The following IPO11 variants were observed in gnomAD, a reference collection of about 807,000 sequenced individuals.
IPO11 encodes the protein importin-11.
IPO11 carries 66 observed loss-of-function variants against 143.2 expected under a neutral mutation model. The ratio of observed to expected loss-of-function variants is 0.46; its 90% CI spans 0.38 to 0.57. IPO11 has a LOEUF of 0.57. Ranked by LOEUF, IPO11 falls within the 20% of genes least tolerant of loss-of-function variation. The probability of loss-of-function intolerance (pLI) is 0.00; values close to 1 mark genes in which losing one functional copy is unlikely to be tolerated. For synonymous variants in IPO11, 385 were observed against 377.8 expected (o/e 1.02, Z -0.22); for missense variants, 1,026 against 1,141.0 (o/e 0.90, Z 1.45).
chr5:62,602,598 G>A (rs986341349), intron 29 of IPO11, among the ~76,000 whole-genome samples: 1 of 152,130 alleles, frequency 6.6e-6, no homozygotes, highest in Non-Finnish European at 1.5e-5. Context: ...TAATTACTCT[G>A]TAAGAGTTAG....
At chr5:62,462,062 C>T (rs891556231) in intron 5 of IPO11, among the ~76,000 whole-genome samples, 3 of 152,040 alleles carry the variant, frequency 2.0e-5, no homozygotes, top group African/African-American at 4.8e-5. Context: ...ATTAATAGAT[C>T]GAGATCTAAC....
intron 1 of IPO11, among the ~76,000 whole-genome samples, chr5:62,436,076 T>A (rs2112129190): frequency 6.6e-6 from 1 of 152,304 alleles, no homozygotes; most frequent in African/African-American, 2.4e-5. Flanking sequence ...AGTAACTTGG[T>A]ATTTTTCAGA....
intron 24 of IPO11, among the ~76,000 whole-genome samples, chr5:62,545,499 G>C (rs1355795917): frequency 6.6e-6 from 1 of 152,180 alleles, no homozygotes; most frequent in Non-Finnish European, 1.5e-5. Context: ...AAAAACCCTA[G>C]AAGAAAACCT....
chr5:62,620,381 T>A (rs1238861779), intron 29 of IPO11, among the ~76,000 whole-genome samples: 1 of 151,860 alleles, frequency 6.6e-6, no homozygotes, highest in African/African-American at 2.4e-5. Context: ...TAGCCGGGTG[T>A]GGTGGCGGGT....
chr5:62,520,252 A>G (rs1017602340), intron 20 of IPO11, among the ~76,000 whole-genome samples: 1 of 152,238 alleles, frequency 6.6e-6, no homozygotes, highest in Non-Finnish European at 1.5e-5. Flanking sequence ...CTAAGTGATC[A>G]TCTTAGATTT....
rs527476686 is a variant in IPO11 at position 62,515,340 on chromosome 5, T to G, written c.1783-48T>G. The G allele has an allele frequency of 2.0e-4, 260 of 1,321,806 alleles. 4 individuals are homozygous for G. The South Asian group carries it at 2.3e-3, about 12-fold the overall frequency. The allele number at this position is 1,321,806 out of a possible 1,614,324, so 81.9% of individuals were successfully genotyped here. A position where few individuals can be genotyped will look rare whatever the true frequency, so the allele number is the denominator to read the frequency against. ...TCATTGTTTTTCAAAGTAAATTGCCTTCTTTACCAATAAAATTTTGTTGTT... is the reference window on the plus strand; with the variant it reads ...TCATTGTTTTTCAAAGTAAATTGCCGTCTTTACCAATAAAATTTTGTTGTT... On this transcript the variant is annotated intron_variant, in intron 19 of 29. Transcript: ENST00000325324.
intron 27 of IPO11, among the ~76,000 whole-genome samples, chr5:62,586,766 AAAATATAT>A (rs1342972756): frequency 6.6e-5 from 5 of 76,202 alleles, no homozygotes; most frequent in African/African-American, 1.1e-4. Flanking sequence ...AAAAAAAAAA[AAAATATAT>A]ATATATATAT....
intron 29 of IPO11, among the ~76,000 whole-genome samples, chr5:62,616,836 A>C (rs950499405): frequency 1.3e-5 from 2 of 152,182 alleles, no homozygotes; most frequent in Non-Finnish European, 2.9e-5. Context: ...CAGATGGTCA[A>C]GATGGAAAAT....
At chr5:62,460,812 T>C in intron 5 of IPO11, among the ~76,000 whole-genome samples, 1 of 152,180 alleles carries the variant, frequency 6.6e-6, no homozygotes, top group Non-Finnish European at 1.5e-5. Flanking sequence ...CCCTCCACAT[T>C]TTTAGAATCA....
chr5:62,463,677 A>G (rs1240972960), intron 5 of IPO11, among the ~76,000 whole-genome samples: 1 of 151,910 alleles, frequency 6.6e-6, no homozygotes, highest in Non-Finnish European at 1.5e-5. Flanking sequence ...TGTCTCAAAA[A>G]AAAAAAAAAG....
intron 24 of IPO11, among the ~76,000 whole-genome samples, chr5:62,538,038 T>A (rs995518869): frequency 3.9e-5 from 6 of 152,054 alleles, no homozygotes; most frequent in African/African-American, 1.4e-4. Context: ...AAATATAAAA[T>A]TGATTAAAAA....
At chr5:62,574,751 G>A (rs1181152143) in intron 27 of IPO11, among the ~76,000 whole-genome samples, 1 of 152,142 alleles carries the variant, frequency 6.6e-6, no homozygotes, top group Non-Finnish European at 1.5e-5. Context: ...AATAAAATAT[G>A]CTTCTCAGAA....
intron 27 of IPO11, among the ~76,000 whole-genome samples, chr5:62,563,607 T>C (rs1232737681): frequency 6.6e-6 from 1 of 152,190 alleles, no homozygotes; most frequent in African/African-American, 2.4e-5. Context: ...TATTTGCATA[T>C]ATATAACAAG....
chr5:62,532,791 G>A (rs374353118), intron 22 of IPO11, among the ~76,000 whole-genome samples: 176 of 152,238 alleles, frequency 1.2e-3, no homozygotes, highest in African/African-American at 4.1e-3. Context: ...AGTATGTTTA[G>A]TACTATTACT....
chr5:62,426,931 GTTTTTTTT>G (rs763031944), intron 1 of IPO11, among the ~76,000 whole-genome samples: 3 of 90,254 alleles, frequency 3.3e-5, no homozygotes, highest in East Asian at 3.5e-4. Flanking sequence ...TTTTCTTTCT[GTTTTTTTT>G]TTTTTTTTTT....
intron 22 of IPO11, among the ~76,000 whole-genome samples, chr5:62,534,668 A>G (rs1025752388): frequency 7.2e-5 from 11 of 152,270 alleles, no homozygotes; most frequent in Admixed American, 5.2e-4. Context: ...CTCTGTTGAC[A>G]TTTGGGTCAG....
intron 6 of IPO11, among the ~76,000 whole-genome samples, chr5:62,467,555 T>C: frequency 6.6e-6 from 1 of 152,206 alleles, no homozygotes; most frequent in East Asian, 1.9e-4. Flanking sequence ...TGTTTCTACT[T>C]TATTTTTCTC....
chr5:62,545,658 A>G (rs1318946097), intron 24 of IPO11, among the ~76,000 whole-genome samples: 1 of 152,244 alleles, frequency 6.6e-6, no homozygotes, highest in Non-Finnish European at 1.5e-5. Flanking sequence ...ATCAGAGTGA[A>G]CAGGCAACCT....
chr5:62,476,198 C>G (rs1035843252), intron 8 of IPO11, among the ~76,000 whole-genome samples: 1 of 151,884 alleles, frequency 6.6e-6, no homozygotes, highest in Non-Finnish European at 1.5e-5. Context: ...GACAAATTAA[C>G]AAACAGAATA....
Sources: gnomAD v4.1 joint callset for allele counts (sites outside exome capture counted in the v4.1 genomes callset) on GRCh38, gnomAD v4.1.1 for gene constraint, MANE v1.5 for transcripts, NCBI Gene and HGNC (gene_info 2026-07-23, HGNC 2026-07-21) for gene names.